The following DNAH8 variants were observed in gnomAD, a reference collection of about 807,000 sequenced individuals.
DNAH8 encodes dynein axonemal heavy chain 8.
A neutral mutation model predicts 562.1 loss-of-function variants in DNAH8; 382 were observed. The observed-to-expected ratio is 0.68, with a 90% CI of 0.63 to 0.74. The LOEUF is 0.74. DNAH8 is among the 30% of genes least tolerant of loss of function. The pLI is 0.00. For synonymous variants in DNAH8, 1,881 were observed against 1,919.4 expected (o/e 0.98, Z 0.52); for missense variants, 5,203 against 5,620.4 (o/e 0.93, Z 2.37).
At chr6:38,744,347 T>C (rs1368174610) in intron 8 of DNAH8, 2 of 152,132 alleles carry the variant, frequency 1.3e-5, no homozygotes, top group East Asian at 3.9e-4. Context: ...GCATAGCCAC[T>C]GCACTCCAGG....
chr6:38,827,438 CT>C (rs2150345388), intron 29 of DNAH8, among the ~76,000 whole-genome samples: 1 of 152,130 alleles, frequency 6.6e-6, no homozygotes, highest in African/African-American at 2.4e-5. Context: ...GCTTTTGATT[CT>C]TTTTATTATT....
At chr6:38,820,832 A>C (rs1719754407) in intron 26 of DNAH8, among the ~76,000 whole-genome samples, 1 of 152,234 alleles carries the variant, frequency 6.6e-6, no homozygotes, top group East Asian at 1.9e-4. Context: ...AAACATGCTC[A>C]GCAATCTGGG....
chr6:38,897,877 A>G (rs1462610538), intron 60 of DNAH8, among the ~76,000 whole-genome samples: 1 of 152,228 alleles, frequency 6.6e-6, no homozygotes, highest in African/African-American at 2.4e-5. Flanking sequence ...TTATTTCAGA[A>G]CAACAAAGAC....
chr6:38,841,100 A>G (rs992942975), intron 33 of DNAH8, among the ~76,000 whole-genome samples: 2 of 152,184 alleles, frequency 1.3e-5, no homozygotes, highest in African/African-American at 4.8e-5. Context: ...GATTTGTAAA[A>G]TCTACTACGC....
At chr6:38,955,217 TC>T (rs1319494546) in intron 82 of DNAH8, among the ~76,000 whole-genome samples, 11 of 152,090 alleles carry the variant, frequency 7.2e-5, no homozygotes, top group Non-Finnish European at 1.0e-4. Flanking sequence ...CAAGTGATCC[TC>T]CCTCCTTGGC....
At chr6:38,769,022 A>G (rs1034677465) in intron 11 of DNAH8, among the ~76,000 whole-genome samples, 1 of 152,206 alleles carries the variant, frequency 6.6e-6, no homozygotes, top group African/African-American at 2.4e-5. Flanking sequence ...AAAGATTACT[A>G]GCCATTTACT....
intron 8 of DNAH8, among the ~76,000 whole-genome samples, chr6:38,742,590 C>A (rs1176875093): frequency 6.6e-6 from 1 of 152,140 alleles, no homozygotes; most frequent in Non-Finnish European, 1.5e-5. Flanking sequence ...GCGTGAGCAA[C>A]CGCACCTGGC....
At chr6:38,834,170 C>T (rs879257635) in intron 31 of DNAH8, among the ~76,000 whole-genome samples, 3 of 152,202 alleles carry the variant, frequency 2.0e-5, no homozygotes, top group Admixed American at 6.5e-5. Flanking sequence ...ACAAACACAG[C>T]ATCATCATTT....
chr6:38,876,659 G>A (rs1255935652), intron 53 of DNAH8, among the ~76,000 whole-genome samples: 8 of 152,166 alleles, frequency 5.3e-5, no homozygotes, highest in Admixed American at 3.9e-4. Context: ...TGGGGCAAAA[G>A]TTGAGCTAAA....
intron 1 of DNAH8, among the ~76,000 whole-genome samples, 171 bp downstream of exon 1, chr6:38,715,586 A>G (rs1424082601): frequency 1.3e-5 from 2 of 152,152 alleles, no homozygotes; most frequent in Non-Finnish European, 2.9e-5. Flanking sequence ...TCAAAACCCC[A>G]GCTGAGTCAC....
chr6:38,874,330 C>A (rs1465002455), intron 52 of DNAH8, among the ~76,000 whole-genome samples: 2 of 123,976 alleles, frequency 1.6e-5, no homozygotes, highest in African/African-American at 6.3e-5. Flanking sequence ...CCTTCCCTCC[C>A]TCTCTCTCTC....
chr6:38,771,924 T>G (rs556359869), intron 12 of DNAH8, among the ~76,000 whole-genome samples: 1 of 152,256 alleles, frequency 6.6e-6, no homozygotes, highest in South Asian at 2.1e-4. Flanking sequence ...AATTGCTAGG[T>G]CATATGGCAA....
intron 88 of DNAH8, among the ~76,000 whole-genome samples, chr6:38,997,627 C>T (rs1180173607): frequency 6.6e-6 from 1 of 152,182 alleles, no homozygotes; most frequent in Non-Finnish European, 1.5e-5. Flanking sequence ...GAGATAACAG[C>T]TTCAGCCATG....
At chr6:38,823,324 A>T (rs1004866406) in intron 27 of DNAH8, among the ~76,000 whole-genome samples, 1 of 152,194 alleles carries the variant, frequency 6.6e-6, no homozygotes, top group African/African-American at 2.4e-5. Context: ...CGTCACACTT[A>T]TGTAGACCCA....
chr6:38,876,135 A>T (rs1777975394), intron 53 of DNAH8, among the ~76,000 whole-genome samples: 1 of 152,222 alleles, frequency 6.6e-6, no homozygotes, highest in Non-Finnish European at 1.5e-5. Context: ...AGCAGCGTGG[A>T]GAACACAGAT....
chr6:39,026,394 A>T, intron 91 of DNAH8, 152 bp from the exon 92 acceptor site: 1 of 687,200 alleles, frequency 1.5e-6, no homozygotes, highest in Non-Finnish European at 2.4e-6. Flanking sequence ...AAACACTGAG[A>T]CAAATGTCTC....
intron 8 of DNAH8, chr6:38,744,119 C>A (rs1183652892): frequency 6.6e-6 from 1 of 152,014 alleles, no homozygotes; most frequent in Non-Finnish European, 1.5e-5. Context: ...GTAGTGTGAG[C>A]TACTTGGGAG....
At chr6:38,805,337 C>A in intron 22 of DNAH8, 144 bp from the exon 23 acceptor site, 1 of 581,910 alleles carries the variant, frequency 1.7e-6, no homozygotes, top group Non-Finnish European at 3.1e-6. Context: ...CCTAGAGGAA[C>A]AAATGCGAAA....
At chr6:38,958,476 G>T (rs913844554) in intron 82 of DNAH8, among the ~76,000 whole-genome samples, 1 of 144,666 alleles carries the variant, frequency 6.9e-6, no homozygotes, top group Non-Finnish European at 1.5e-5. Flanking sequence ...AAATACAAAA[G>T]ATCATTAAAG....
Sources: allele counts gnomAD v4.1 joint callset (sites outside exome capture counted in the v4.1 genomes callset), GRCh38; gene constraint gnomAD v4.1.1; transcripts MANE v1.5; gene names NCBI Gene and HGNC (gene_info 2026-07-23, HGNC 2026-07-21).